Variants in KCND2 observed in about 807,000 individuals in gnomAD.
The protein encoded by KCND2 is potassium voltage-gated channel subfamily D member 2.
A neutral mutation model predicts 54.4 loss-of-function variants in KCND2; 16 were observed. The ratio of observed to expected loss-of-function variants is 0.29; its 90% CI spans 0.20 to 0.45. The LOEUF is 0.45. Ranked by LOEUF, KCND2 falls within the 20% of genes least tolerant of loss-of-function variation. The probability of loss-of-function intolerance (pLI) is 1.00; values close to 1 mark genes in which losing one functional copy is unlikely to be tolerated. For synonymous variants in KCND2, 317 were observed against 310.7 expected (o/e 1.02, Z -0.21); for missense variants, 486 against 824.2 (o/e 0.59, Z 5.02).
Position 120,721,595 on chromosome 7 carries a change from CT to C in KCND2, c.1116-11305del, listed in dbSNP as rs112249854. ...AATTTTAGAGGAAGCCTCTGGCTGT[CT>C]TTGGGAGGTTAAATCACATTTTCTC... On this transcript the variant is annotated intron_variant, in intron 1 of 5. Transcript: ENST00000331113. Among the ~76,000 whole-genome samples, 711 of 152,258 alleles carry C rather than the reference CT, an allele frequency of 4.7e-3. 4 individuals carry two copies. The highest frequency in any genetic ancestry group is 0.016 in the African/African-American group (652 of 41,566).
intron 1 of KCND2, among the ~76,000 whole-genome samples, chr7:120,581,137 C>T (rs7357256): frequency 1.4e-4 from 22 of 152,174 alleles, no homozygotes; most frequent in South Asian, 4.1e-4. Context: ...GATATAATAA[C>T]GAAGCATACC....
At chr7:120,588,513 C>G (rs1335085335) in intron 1 of KCND2, among the ~76,000 whole-genome samples, 1 of 151,212 alleles carries the variant, frequency 6.6e-6, no homozygotes, top group East Asian at 1.9e-4. Context: ...AACCCATAAT[C>G]TTGAAATAGA....
At chr7:120,623,215 A>G (rs1453331964) in intron 1 of KCND2, among the ~76,000 whole-genome samples, 1 of 152,202 alleles carries the variant, frequency 6.6e-6, no homozygotes, top group Non-Finnish European at 1.5e-5. Flanking sequence ...AGTCATGATA[A>G]ATGCCTAACA....
intron 1 of KCND2, among the ~76,000 whole-genome samples, chr7:120,687,203 G>A (rs1477849918): frequency 6.6e-6 from 1 of 152,034 alleles, no homozygotes; most frequent in African/African-American, 2.4e-5. Context: ...CCTAACTCTT[G>A]GCAACCACTG....
intron 1 of KCND2, among the ~76,000 whole-genome samples, chr7:120,572,439 G>A (rs974654169): frequency 3.3e-5 from 5 of 152,000 alleles, no homozygotes; most frequent in African/African-American, 7.3e-5. Flanking sequence ...TGCCTTATGC[G>A]TATGTCAGGC....
chr7:120,696,257 A>G (rs553908992), intron 1 of KCND2, among the ~76,000 whole-genome samples: 1 of 152,340 alleles, frequency 6.6e-6, no homozygotes, highest in South Asian at 2.1e-4. Flanking sequence ...ACTGTATTAA[A>G]ATACATTTTT....
chr7:120,518,930 A>G (rs1482203211), intron 1 of KCND2, among the ~76,000 whole-genome samples: 2 of 152,172 alleles, frequency 1.3e-5, no homozygotes, highest in African/African-American at 2.4e-5. Context: ...AGACCTTTCT[A>G]TGAAGAAGAG....
chr7:120,523,837 A>G (rs1221458290), intron 1 of KCND2, among the ~76,000 whole-genome samples: 1 of 150,882 alleles, frequency 6.6e-6, no homozygotes, highest in African/African-American at 2.4e-5. Context: ...TCAGCAACAT[A>G]TATATGGAGT....
intron 1 of KCND2, among the ~76,000 whole-genome samples, chr7:120,536,604 A>C: frequency 6.6e-6 from 1 of 152,150 alleles, no homozygotes; most frequent in Non-Finnish European, 1.5e-5. Context: ...AACAATATTC[A>C]CAGTATCTTC....
chr7:120,574,995 A>G (rs1792410698), intron 1 of KCND2, among the ~76,000 whole-genome samples: 1 of 152,138 alleles, frequency 6.6e-6, no homozygotes, highest in South Asian at 2.1e-4. Context: ...ACTTACAAAG[A>G]CATATAATTA....
chr7:120,348,833 G>A lies in KCND2; in HGVS notation c.1115+73086G>A, dbSNP rs548297676. Among the ~76,000 whole-genome samples, 8 of 152,214 alleles carry A rather than the reference G, an allele frequency of 5.3e-5. No individual in the cohort carries two copies. The East Asian group carries it at 1.5e-3, about 29-fold the overall frequency. On this transcript the variant is annotated intron_variant, in intron 1 of 5. Coordinates refer to ENST00000331113, the MANE Select transcript of KCND2 (RefSeq NM_012281.3). ...ATATAGTAAAAGTATTTGTTTTACT[G>A]TTGCTACTTAATTTCTGTATTTTAT...
chr7:120,307,497 C>T (rs1483112720), intron 1 of KCND2, among the ~76,000 whole-genome samples: 3 of 152,074 alleles, frequency 2.0e-5, no homozygotes, highest in Non-Finnish European at 4.4e-5. Flanking sequence ...AGAACTACAG[C>T]AAGCAAGATG....
At chr7:120,687,785 T>G (rs1325474188) in intron 1 of KCND2, among the ~76,000 whole-genome samples, 1 of 152,226 alleles carries the variant, frequency 6.6e-6, no homozygotes, top group Non-Finnish European at 1.5e-5. Flanking sequence ...ACTAAAAGTG[T>G]TTAGATAATA....
At chr7:120,431,768 A>G (rs1263829586) in intron 1 of KCND2, among the ~76,000 whole-genome samples, 1 of 152,146 alleles carries the variant, frequency 6.6e-6, no homozygotes, top group African/African-American at 2.4e-5. Context: ...GACATCAAAA[A>G]TATCCCACTT....
chr7:120,397,985 GTGTGTGTGTGTATA>G (rs1264873183), intron 1 of KCND2, among the ~76,000 whole-genome samples: 2 of 36,908 alleles, frequency 5.4e-5, no homozygotes, highest in Non-Finnish European at 8.3e-5. Context: ...GTGTGTGTGT[GTGTGTGTGTGTATA>G]TATATATATA....
In KCND2 at chr7:120,618,384, G is replaced by A. The variant is rs184422425; in HGVS notation, c.1116-114519G>A. ...TGAATACTAAATTCTTTATTCCAAT[G>A]ATCATTAATGTATTTGTCTTCATCC... On this transcript the variant is annotated intron_variant, in intron 1 of 5. Coordinates refer to ENST00000331113, the MANE Select transcript of KCND2 (RefSeq NM_012281.3). Among the ~76,000 whole-genome samples, 21 of 152,218 alleles carry A rather than the reference G, an allele frequency of 1.4e-4. No individual in the cohort carries two copies. In the East Asian group the frequency reaches 2.3e-3, roughly 17 times the overall value.
chr7:120,399,025 G>T (rs538651469), intron 1 of KCND2, among the ~76,000 whole-genome samples: 3 of 151,674 alleles, frequency 2.0e-5, no homozygotes, highest in Non-Finnish European at 4.4e-5. Context: ...CACCTTTTGC[G>T]CTCTTTGCTT....
chr7:120,694,288 A>G (rs1263722964), intron 1 of KCND2, among the ~76,000 whole-genome samples: 1 of 152,196 alleles, frequency 6.6e-6, no homozygotes, highest in Non-Finnish European at 1.5e-5. Context: ...ATTTTAGGAT[A>G]CAACCCTTTT....
At chr7:120,614,006 T>A (rs905929426) in intron 1 of KCND2, among the ~76,000 whole-genome samples, 1 of 151,706 alleles carries the variant, frequency 6.6e-6, no homozygotes, top group African/African-American at 2.4e-5. Flanking sequence ...AGCATTTTAA[T>A]CTTTGTTGGA....
Sources: gnomAD v4.1 joint callset for allele counts (sites outside exome capture counted in the v4.1 genomes callset) on GRCh38, gnomAD v4.1.1 for gene constraint, MANE v1.5 for transcripts, NCBI Gene and HGNC (gene_info 2026-07-23, HGNC 2026-07-21) for gene names.